Variants in OTC observed in about 807,000 individuals in gnomAD.
OTC encodes ornithine transcarbamylase.
A neutral mutation model predicts 30.3 loss-of-function variants in OTC; 3 were observed. The observed-to-expected ratio is 0.10, with a 90% confidence interval of 0.05 to 0.26. The LOEUF (loss-of-function observed/expected upper bound fraction) is 0.26, where lower values mean the gene tolerates loss of function less well. Among genes scored for constraint, OTC ranks in the 10% least tolerant of loss-of-function variants. OTC has a pLI of 1.00. For synonymous variants in OTC, 111 were observed against 99.7 expected (o/e 1.11, Z -0.67); for missense variants, 194 against 260.3 (o/e 0.75, Z 1.75).
intron 9 of OTC, among the ~76,000 whole-genome samples, chrX:38,419,719 GT>G: frequency 9.0e-6 from 1 of 111,616 alleles, no homozygotes; most frequent in Admixed American, 9.6e-5. Flanking sequence ...AGTTCTAACA[GT>G]TTTTTGGTGG....
At chrX:38,361,829 A>G (rs2068273046) in intron 1 of OTC, among the ~76,000 whole-genome samples, 1 of 112,297 alleles carries the variant, frequency 8.9e-6, no homozygotes, top group African/African-American at 3.2e-5. Context: ...ACAACTGACA[A>G]TAAAAGTTTT....
At chrX:38,378,901 T>C (rs1006367290) in intron 3 of OTC, among the ~76,000 whole-genome samples, 1 of 111,676 alleles carries the variant, frequency 9.0e-6, no homozygotes, top group Admixed American at 9.5e-5. Flanking sequence ...AGTTCTAGTG[T>C]GATTTGGCGA....
At chrX:38,346,401 A>G in the OTC span, among the ~76,000 whole-genome samples, 10 of 112,496 alleles carry the variant, frequency 8.9e-5, no homozygotes, top group East Asian at 1.9e-3. Flanking sequence ...AGTTTCTTCA[A>G]CAGTTAAACA....
intron 2 of OTC, among the ~76,000 whole-genome samples, chrX:38,369,559 C>T (rs1259774322): frequency 1.9e-5 from 2 of 105,386 alleles, no homozygotes; most frequent in Non-Finnish European, 3.9e-5. Context: ...TGGGGTTTTG[C>T]CATGTTGGCC....
At chrX:38,350,335 G>T (rs189198700), upstream of OTC, among the ~76,000 whole-genome samples, 174 of 112,145 alleles carry the variant, frequency 1.6e-3, no homozygotes, top group Middle Eastern at 9.2e-3. Flanking sequence ...ATTGGCTTAT[G>T]ATGGCTGCAC....
rs762895585 is a variant in OTC, at chrX:38,359,420, C to CT, written c.77+6661dup. Among the ~76,000 whole-genome samples, 501 of 102,103 alleles carry CT rather than the reference C, an allele frequency of 4.9e-3. 3 individuals are homozygous for CT. Among genetic ancestry groups the CT allele is most frequent in the African/African-American group, 0.011 (312 of 28,362 alleles). The allele number at this position is 102,103 out of a possible 115,157, so 88.7% of individuals were successfully genotyped here. A position where few individuals can be genotyped will look rare whatever the true frequency, so the allele number is the denominator to read the frequency against. The stretch of plus-strand genomic sequence containing the variant: ...GCTCTTCCCTCAACATAAATTTTGT[C>CT]TTTTTTTTTTTTTTCTGAGATGGAG... On this transcript the variant is annotated intron_variant, in intron 1 of 9. Coordinates refer to ENST00000039007, the MANE Select transcript of OTC (RefSeq NM_000531.6).
intron 1 of OTC, among the ~76,000 whole-genome samples, chrX:38,362,274 A>G (rs1384718703): frequency 1.8e-5 from 2 of 111,632 alleles, no homozygotes; most frequent in East Asian, 2.8e-4. Flanking sequence ...AGGAGACTAG[A>G]TCTCATGTTA....
upstream of OTC, among the ~76,000 whole-genome samples, chrX:38,348,271 C>T (rs930417501): frequency 2.7e-5 from 3 of 112,208 alleles, no homozygotes; most frequent in African/African-American, 9.7e-5. Context: ...TCACATTGTA[C>T]TTCTCACACA....
chrX:38,356,075 A>T (rs1408758992), intron 1 of OTC, among the ~76,000 whole-genome samples: 2 of 96,323 alleles, frequency 2.1e-5, no homozygotes, highest in East Asian at 6.7e-4. Context: ...AAAAAAAAAA[A>T]TCACTTCACT....
At chrX:38,405,242 T>C (rs1198318915) in intron 6 of OTC, among the ~76,000 whole-genome samples, 1 of 111,946 alleles carries the variant, frequency 8.9e-6, no homozygotes, top group African/African-American at 3.2e-5. Flanking sequence ...TCTTGCTGTC[T>C]TGGATTCTTA....
chrX:38,409,745 C>A (rs907282852), intron 8 of OTC, among the ~76,000 whole-genome samples: 1 of 111,268 alleles, frequency 9.0e-6, no homozygotes, highest in Non-Finnish European at 1.9e-5. Context: ...GTCAGCAAAG[C>A]AACAAATCTA....
chrX:38,419,394 G>A (rs951837194), intron 9 of OTC, among the ~76,000 whole-genome samples: 4 of 111,560 alleles, frequency 3.6e-5, no homozygotes, highest in Non-Finnish European at 7.5e-5. Context: ...ATTTTGATAG[G>A]GGTTGCATTG....
chrX:38,381,817 C>A (rs940012382), intron 4 of OTC, among the ~76,000 whole-genome samples: 36 of 109,026 alleles, frequency 3.3e-4, no homozygotes, highest in Admixed American at 2.6e-3. Flanking sequence ...ACTTATTGAG[C>A]ATTTATTGTG....
At chrX:38,420,790 A>C (rs1468497104) in intron 9 of OTC, among the ~76,000 whole-genome samples, 1 of 111,209 alleles carries the variant, frequency 9.0e-6, no homozygotes, top group Non-Finnish European at 1.9e-5. Context: ...AATGAGGCCT[A>C]ATTATGCAGT....
the OTC span, among the ~76,000 whole-genome samples, chrX:38,332,868 A>G: frequency 9.0e-6 from 1 of 111,396 alleles, no homozygotes; most frequent in East Asian, 2.8e-4. Flanking sequence ...AACATCATAT[A>G]CAACACATGA....
At chrX:38,404,087 C>T (rs760757671) in intron 6 of OTC, among the ~76,000 whole-genome samples, 13 of 112,476 alleles carry the variant, frequency 1.2e-4, no homozygotes, top group Non-Finnish European at 1.9e-4. Context: ...ATCCAGGCAG[C>T]ATAGAATTCT....
chrX:38,414,206 G>A (rs764065540), intron 9 of OTC, among the ~76,000 whole-genome samples: 1 of 112,316 alleles, frequency 8.9e-6, no homozygotes, highest in South Asian at 3.7e-4. Context: ...ATTCAGTAGG[G>A]AAAACTAAAA....
intron 9 of OTC, among the ~76,000 whole-genome samples, chrX:38,417,584 G>A (rs1333421766): frequency 9.0e-6 from 1 of 111,627 alleles, no homozygotes; most frequent in Non-Finnish European, 1.9e-5. Flanking sequence ...CAGTAGGAAA[G>A]GATATTAAAT....
chrX:38,383,827 A>G (rs1367240011), intron 4 of OTC, among the ~76,000 whole-genome samples: 1 of 110,534 alleles, frequency 9.0e-6, no homozygotes, highest in African/African-American at 3.3e-5. Flanking sequence ...AAAAAAAAAA[A>G]AAGAAAAGAA....
Sources: allele counts gnomAD v4.1 joint callset (sites outside exome capture counted in the v4.1 genomes callset), GRCh38; gene constraint gnomAD v4.1.1; transcripts MANE v1.5; gene names NCBI Gene and HGNC (gene_info 2026-07-23, HGNC 2026-07-21).